Variants in OR8B8 observed in about 807,000 individuals in gnomAD.
OR8B8 encodes the protein olfactory receptor 8B8.
OR8B8 carries 8 observed loss-of-function variants against 10.5 expected under a neutral mutation model. The ratio of observed to expected loss-of-function variants is 0.76; its 90% confidence interval spans 0.45 to 1.38. The LOEUF (loss-of-function observed/expected upper bound fraction) is 1.38, where lower values mean the gene tolerates loss of function less well. OR8B8 is among the 40% of genes most tolerant of loss of function. The pLI is 0.00. For missense variants in OR8B8, 390 were observed against 380.5 expected, an observed-to-expected ratio of 1.03 and a Z score of -0.21; for synonymous variants, 150 against 145.2, an observed-to-expected ratio of 1.03 and a Z score of -0.24.
At position 124,440,432 on chromosome 11, in the gene OR8B8, A is replaced by C. The variant is rs1425596201; in HGVS notation, c.654T>G (p.Tyr218Ter). ...GVPTVTIFISYALILSSIFHI... is the reference protein window; with the variant it reads ...GVPTVTIFIS Reference sequence around the variant, plus strand: ...GGAAGATGCTGGAGAGAATGAGAGCATAGGAAATGAAGATGGTGACTGTGG... The same window carrying C: ...GGAAGATGCTGGAGAGAATGAGAGCCTAGGAAATGAAGATGGTGACTGTGG... The change falls in exon 3 of 3, where the codon TAT (tyrosine) becomes TAG (stop). Residue 218 changes from tyrosine to a stop codon, truncating the protein, a stop_gained. Coordinates refer to ENST00000642064, the MANE Select transcript of OR8B8 (RefSeq NM_012378.2). LOFTEE classifies it high-confidence loss of function. The C allele has an allele frequency of 1.9e-6, 3 of 1,614,108 alleles. No homozygotes were observed. Among genetic ancestry groups the C allele is most frequent in the Non-Finnish European group, 2.5e-6 (3 of 1,180,042 alleles).
chr11:124,442,048 G>A (rs1861480283), intron 1 of OR8B8, among the ~76,000 whole-genome samples: 1 of 144,798 alleles, frequency 6.9e-6, no homozygotes, highest in African/African-American at 2.4e-5. Context: ...AGCACTTAAT[G>A]TATACCTAAT....
At chr11:124,442,401 A>G (rs1424433215) in intron 1 of OR8B8, among the ~76,000 whole-genome samples, 1 of 152,248 alleles carries the variant, frequency 6.6e-6, no homozygotes, top group Non-Finnish European at 1.5e-5. Flanking sequence ...TAAGATCCAG[A>G]AAAGGCAAAA....
chr11:124,440,619 G>A lies in OR8B8; in HGVS notation c.467C>T (p.Ala156Val), dbSNP rs1433390061. The change falls in exon 3 of 3, where the codon GCC becomes GTC. Residue 156 changes from alanine to valine, a missense_variant. Physicochemically the swap from Ala to Val is moderately conservative, Grantham distance 64 (BLOSUM62 0). Transcript: ENST00000642064. ...LGVYGMGFAG[A>V]MAHTACMMGV... ...CATCATGCACGCTGTGTGGGCCATG[G>A]CCCCAGCAAACCCCATCCCATAGAC... 5 of 1,614,140 alleles carry A rather than the reference G, an allele frequency of 3.1e-6. No homozygotes were observed. Among genetic ancestry groups the A allele is most frequent in the South Asian group, 1.1e-5 (1 of 91,076 alleles).
chr11:124,439,974 C>T lies in OR8B8; in HGVS notation c.*176G>A. 1 of 600,994 alleles carries T rather than the reference C, an allele frequency of 1.7e-6. No homozygotes were observed. Among genetic ancestry groups the T allele is most frequent in the Non-Finnish European group, 2.9e-6 (1 of 344,310 alleles). The allele number at this position is 600,994 out of a possible 1,614,324, so 37.2% of individuals were successfully genotyped here. On this transcript the variant is annotated 3_prime_UTR_variant, in exon 3 of 3. Coordinates refer to ENST00000642064, the MANE Select transcript of OR8B8 (RefSeq NM_012378.2). ...TAGCGGGGAACTGAGTGAAATGATC[C>T]TCAAGACTTACTGTGTGAGTATTCA... is the stretch of plus-strand genomic sequence containing the variant.
chr11:124,444,652 C>A (rs7948113), intron 1 of OR8B8, among the ~76,000 whole-genome samples: 74,897 of 152,024 alleles, frequency 0.49, 18,950 homozygotes, highest in African/African-American at 0.6. Flanking sequence ...GGGATGATGG[C>A]GATAATTCAC....
intron 1 of OR8B8, among the ~76,000 whole-genome samples, chr11:124,443,877 T>C (rs1861501218): frequency 2.0e-5 from 3 of 152,028 alleles, no homozygotes; most frequent in Admixed American, 2.0e-4. Flanking sequence ...AAGTGGTACA[T>C]CTGAGAATCC....
chr11:124,443,940 C>T (rs1225662892), intron 1 of OR8B8, among the ~76,000 whole-genome samples: 1 of 152,164 alleles, frequency 6.6e-6, no homozygotes, highest in Non-Finnish European at 1.5e-5. Context: ...GAATTAACAC[C>T]CCTGGGAGTC....
rs754844429 is a variant in OR8B8, at chr11:124,440,717, A to C, written c.369T>G (p.Tyr123Ter). 1 of 1,614,190 alleles carries C rather than the reference A, an allele frequency of 6.2e-7. No homozygotes were observed. Among genetic ancestry groups the C allele is most frequent in the Non-Finnish European group, 8.5e-7 (1 of 1,180,018 alleles). ...FILSAMAYDR[Y>*]VAICNPLLYM... is the part of the protein sequence containing the mutation. ...ACAACAGTGGGTTACAGATGGCCAC[A>C]TAGCGGTCATACGCCATTGCTGACA... The change falls in exon 3 of 3, where the codon TAT (tyrosine) becomes TAG (stop). Residue 123 changes from tyrosine (Y) to a stop codon, truncating the protein, a stop_gained. Coordinates refer to ENST00000642064, the MANE Select transcript of OR8B8 (RefSeq NM_012378.2). LOFTEE classifies it high-confidence loss of function.
rs993453496 is a variant in OR8B8, at chr11:124,440,674, G to A, written c.412C>T (p.Pro138Ser). Residue 138 changes from proline (P) to serine (S), a missense_variant, in exon 3 of 3, where the codon CCC becomes TCC. Pro to Ser is a moderately conservative substitution (Grantham distance 74). Coordinates refer to ENST00000642064, the MANE Select transcript of OR8B8 (RefSeq NM_012378.2). ...AACAAAAGGAGAAAACACACCTGGGGAGACATGGTGACCATGTACAACAGT... is the reference window on the plus strand; with the variant it reads ...AACAAAAGGAGAAAACACACCTGGGAAGACATGGTGACCATGTACAACAGT... Reference protein sequence around the residue: ...NPLLYMVTMSPQVCFLLLLGV... With the variant: ...NPLLYMVTMSSQVCFLLLLGV... The A allele has an allele frequency of 5.0e-6, 8 of 1,614,026 alleles. No individual in the cohort carries two copies. Among genetic ancestry groups the A allele is most frequent in the Non-Finnish European group, 6.8e-6 (8 of 1,180,020 alleles).
chr11:124,440,969 C>G lies in OR8B8; in HGVS notation c.117G>C (p.Val39=), dbSNP rs763839663. Residue 39 remains valine, a synonymous_variant, in exon 3 of 3, where the codon GTG becomes GTC. Transcript: ENST00000642064. Reference sequence around the variant, plus strand: ...GGGTTATCAAGCCCAGGTTCCCCACCACAGTGACCACGTAGAAGCCTAGAA... The same window carrying G: ...GGGTTATCAAGCCCAGGTTCCCCACGACAGTGACCACGTAGAAGCCTAGAA... The part of the protein sequence containing the change: ...FLFLGFYVVT[V]VGNLGLITLI... 1 of 1,614,000 alleles carries G rather than the reference C, an allele frequency of 6.2e-7. No individual in the cohort carries two copies. Among genetic ancestry groups the G allele is most frequent in the South Asian group, 1.1e-5 (1 of 91,070 alleles).
chr11:124,441,415 G>T (rs909847536), intron 2 of OR8B8, 73 bp downstream of exon 2: 1 of 318,172 alleles, frequency 3.1e-6, no homozygotes, highest in African/African-American at 2.1e-5. Flanking sequence ...GCCCGCCTGT[G>T]CCTGGAGAGT....
In OR8B8 at chr11:124,437,713, G is replaced by C. The variant is rs1037735747; in HGVS notation, c.*2437C>G. 1.3e-5 allele frequency: 2 copies of C among 152,008 alleles called. No homozygotes were observed. The highest frequency in any genetic ancestry group is 4.9e-5 in the African/African-American group (2 of 41,056). 9.4% of individuals were successfully genotyped at this position (152,008 alleles called of 1,614,324 possible). A position where few individuals can be genotyped will look rare whatever the true frequency, so the allele number is the denominator to read the frequency against. On this transcript the variant is annotated 3_prime_UTR_variant, in exon 3 of 3. Transcript: ENST00000642064. The stretch of plus-strand genomic sequence containing the variant: ...GCTGGGATTACAGGCGTGAGCCACC[G>C]CACCCAGCCTCAGGACTCTTTTATA...
Position 124,441,029 on chromosome 11 carries a change from G to A in OR8B8, c.57C>T (p.Asp19=), listed in dbSNP as rs781287183. 6.2e-7 allele frequency: 1 copy of A among 1,613,516 alleles called. No homozygotes were observed. Among genetic ancestry groups the A allele is most frequent in the South Asian group, 1.1e-5 (1 of 91,088 alleles). The change falls in exon 3 of 3, where the codon GAC becomes GAT. Residue 19 remains aspartate (D), a synonymous_variant. Transcript: ENST00000642064. The part of the protein sequence containing the change: ...VTQFILAGLT[D]QPGVQIPLFF... ...AGAGGGGGATCTGGACTCCCGGTTGGTCAGTTAAGCCTGCGAGGATAAACT... is the reference window on the plus strand; with the variant it reads ...AGAGGGGGATCTGGACTCCCGGTTGATCAGTTAAGCCTGCGAGGATAAACT...
Position 124,440,113 on chromosome 11 carries a change from G to A in OR8B8, c.*37C>T. ...CCAGTGGAGTCCAAATCACTTATGG[G>A]AGAAACAGTGTTTCTTTCCTGAGCA... is the stretch of plus-strand genomic sequence containing the variant. On this transcript the variant is annotated 3_prime_UTR_variant, in exon 3 of 3. Coordinates refer to ENST00000642064, the MANE Select transcript of OR8B8 (RefSeq NM_012378.2). 1.3e-6 allele frequency: 2 copies of A among 1,511,840 alleles called. No homozygotes were observed. The highest frequency in any genetic ancestry group is 1.2e-5 in the South Asian group (1 of 84,600). 93.7% of individuals were successfully genotyped at this position (1,511,840 alleles called of 1,614,324 possible).
intron 2 of OR8B8, 127 bp downstream of exon 2, chr11:124,441,361 C>T (rs1861474142): frequency 2.3e-6 from 1 of 432,916 alleles, no homozygotes. Flanking sequence ...TTTACAGAAA[C>T]TGGGGCCAGT....
intron 1 of OR8B8, among the ~76,000 whole-genome samples, chr11:124,443,737 C>G (rs1004034619): frequency 1.2e-4 from 18 of 152,200 alleles, no homozygotes; most frequent in African/African-American, 4.1e-4. Flanking sequence ...TTTTATATTA[C>G]TCAGCCTATC....
In OR8B8 at chr11:124,437,767, C is replaced by T. The variant is rs1196064545; in HGVS notation, c.*2383G>A. 2.0e-5 allele frequency: 3 copies of T among 152,200 alleles called. No individual in the cohort carries two copies. The East Asian group carries it at 5.8e-4, about 30-fold the overall frequency. 9.4% of individuals were successfully genotyped at this position (152,200 alleles called of 1,614,324 possible). A position where few individuals can be genotyped will look rare whatever the true frequency, so the allele number is the denominator to read the frequency against. On this transcript the variant is annotated 3_prime_UTR_variant, in exon 3 of 3. Coordinates refer to ENST00000642064, the MANE Select transcript of OR8B8 (RefSeq NM_012378.2). ...ACACTAACCTCATTCATGAGGGCCC[C>T]ACCCTCATTACCTAATCACCTCCCA...
rs1226729400 is a variant in OR8B8 at position 124,438,616 on chromosome 11, AG to A, written c.*1533del. ...CCCTTTATTGGAAGGTGCAGCAGTC[AG>A]GGTTTCTGCAAAAATCAGATGATCC... On this transcript the variant is annotated 3_prime_UTR_variant, in exon 3 of 3. Transcript: ENST00000642064. 6.6e-6 allele frequency: 1 copy of A among 152,230 alleles called. No homozygotes were observed. The highest frequency in any genetic ancestry group is 1.5e-5 in the Non-Finnish European group (1 of 68,042). 9.4% of individuals were successfully genotyped at this position (152,230 alleles called of 1,614,324 possible). A position where few individuals can be genotyped will look rare whatever the true frequency, so the allele number is the denominator to read the frequency against.
At chr11:124,443,160 G>A (rs1774066641) in intron 1 of OR8B8, among the ~76,000 whole-genome samples, 1 of 82,070 alleles carries the variant, frequency 1.2e-5, no homozygotes, top group African/African-American at 5.4e-5. Flanking sequence ...TTGGTTGGTG[G>A]TGAAGTCCAG....
Sources: allele counts gnomAD v4.1 joint callset (sites outside exome capture counted in the v4.1 genomes callset), GRCh38; gene constraint gnomAD v4.1.1; transcripts MANE v1.5; gene names NCBI Gene and HGNC (gene_info 2026-07-23, HGNC 2026-07-21).